The following KTN1 variants were observed in gnomAD, a reference collection of about 807,000 sequenced individuals.
KTN1 encodes the protein kinectin 1.
KTN1 carries 130 observed loss-of-function variants against 222.5 expected under a neutral mutation model. The observed-to-expected ratio is 0.58, with a 90% CI of 0.51 to 0.68. The LOEUF (loss-of-function observed/expected upper bound fraction) is 0.68. KTN1 is among the 30% of genes least tolerant of loss of function. The probability of loss-of-function intolerance (pLI) is 0.00; values close to 1 mark genes in which losing one functional copy is unlikely to be tolerated. For missense variants in KTN1, 1,508 were observed against 1,500.4 expected (o/e 1.01, Z -0.08); for synonymous variants, 512 against 496.3 (o/e 1.03, Z -0.42).
chr14:55,605,337 G>C (rs34931260), intron 1 of KTN1, among the ~76,000 whole-genome samples: 35,709 of 152,034 alleles, frequency 0.23, 4,526 homozygotes, highest in East Asian at 0.37. Flanking sequence ...AGTGCAGTTG[G>C]AGATCTAATT....
At position 55,650,337 on chromosome 14, in the gene KTN1, G is replaced by A. The variant is rs150799793; in HGVS notation, c.2415G>A (p.Glu805=). 310 of 1,596,062 alleles carry A rather than the reference G, an allele frequency of 1.9e-4. No individual in the cohort carries two copies. The highest frequency in any genetic ancestry group is 2.4e-4 in the Non-Finnish European group (285 of 1,173,184). Residue 805 remains glutamate, a synonymous_variant, in exon 23 of 44, where the codon GAG becomes GAA. Coordinates refer to ENST00000395314, the MANE Select transcript of KTN1 (RefSeq NM_001079521.2). ...CATTTCTTTATTGAAGGATCCATGA[G>A]AAAGATGGAAAGATCAAGTCTGTAG... is the stretch of plus-strand genomic sequence containing the variant. ...LVEELKKVIH[E]KDGKIKSVEE...
intron 34 of KTN1, among the ~76,000 whole-genome samples, 169 bp downstream of exon 34, chr14:55,667,499 A>G (rs1209328158): frequency 6.6e-6 from 1 of 151,958 alleles, no homozygotes; most frequent in Non-Finnish European, 1.5e-5. Context: ...TTCAAAACTC[A>G]TTTCTATTTA....
At chr14:55,584,992 C>G (rs552835306) in intron 1 of KTN1, among the ~76,000 whole-genome samples, 2 of 152,018 alleles carry the variant, frequency 1.3e-5, no homozygotes, top group South Asian at 4.2e-4. Flanking sequence ...AATAGCCAGG[C>G]ATGGTAGCGT....
At chr14:55,675,707 G>A in intron 40 of KTN1, 128 bp from the exon 41 acceptor site, 1 of 574,310 alleles carries the variant, frequency 1.7e-6, no homozygotes, top group Admixed American at 3.1e-5. Flanking sequence ...ATCTGGTGCA[G>A]CATATTGGCT....
chr14:55,595,842 A>C (rs2034923193), intron 1 of KTN1, among the ~76,000 whole-genome samples: 1 of 152,122 alleles, frequency 6.6e-6, no homozygotes, highest in South Asian at 2.1e-4. Flanking sequence ...AAGGTATCGG[A>C]GTGATTTTTT....
chr14:55,650,935 C>T (rs970177781), intron 24 of KTN1, among the ~76,000 whole-genome samples: 15 of 152,054 alleles, frequency 9.9e-5, no homozygotes, highest in Admixed American at 2.6e-4. Context: ...TTTAATCCCC[C>T]TGCCCCCTTC....
intron 33 of KTN1, 75 bp downstream of exon 33, chr14:55,664,116 C>T: frequency 1.1e-6 from 1 of 922,896 alleles, no homozygotes; most frequent in Non-Finnish European, 1.7e-6. Flanking sequence ...CAGACTAAAG[C>T]ATTTACTTTT....
intron 5 of KTN1, among the ~76,000 whole-genome samples, chr14:55,620,223 C>A (rs1250360137): frequency 6.6e-6 from 1 of 152,210 alleles, no homozygotes; most frequent in Non-Finnish European, 1.5e-5. Flanking sequence ...AGCTCCGCCC[C>A]TGTGGCTTTA....
chr14:55,657,819 C>T (rs2043662644), intron 29 of KTN1, among the ~76,000 whole-genome samples: 1 of 151,918 alleles, frequency 6.6e-6, no homozygotes, highest in African/African-American at 2.4e-5. Flanking sequence ...GAAGCTGAGA[C>T]AGGAGAATCA....
intron 22 of KTN1, among the ~76,000 whole-genome samples, 189 bp downstream of exon 22, chr14:55,650,002 A>C (rs539766261): frequency 6.6e-6 from 1 of 151,794 alleles, no homozygotes; most frequent in East Asian, 1.9e-4. Flanking sequence ...ATTAAAAAAA[A>C]AAAAACAAAA....
At position 55,627,954 on chromosome 14, in the gene KTN1, G is replaced by A. The variant is rs779315152; in HGVS notation, c.1006G>A (p.Glu336Lys). The change falls in exon 6 of 44, where the codon GAA (glutamate) becomes AAA (lysine). Residue 336 changes from glutamate to lysine, a missense_variant. Glu to Lys is a moderately conservative substitution (Grantham distance 56). Coordinates refer to ENST00000395314, the MANE Select transcript of KTN1 (RefSeq NM_001079521.2). ...ELTTLIHQLQ[E>K]KDKLLAAVKE... is the part of the protein sequence containing the mutation. ...GACTACGCTTATACATCAGCTTCAA[G>A]AAAAGGACAAGTTACTCGCTGCTGT... The A allele has an allele frequency of 1.9e-6, 3 of 1,613,848 alleles. No homozygotes were observed. In the African/African-American group the frequency reaches 4.0e-5, roughly 22 times the overall value.
At chr14:55,652,714 C>T (rs1304722172) in intron 25 of KTN1, 136 bp from the exon 26 acceptor site, 2 of 612,468 alleles carry the variant, frequency 3.3e-6, no homozygotes, top group South Asian at 2.0e-5. Flanking sequence ...TGCCTTTATA[C>T]TTGATAAGTT....
intron 33 of KTN1, among the ~76,000 whole-genome samples, chr14:55,664,268 A>G (rs766634475): frequency 1.3e-5 from 2 of 152,168 alleles, no homozygotes; most frequent in Non-Finnish European, 2.9e-5. Context: ...GTTGAGCACA[A>G]CTTTAAGCTG....
chr14:55,675,954 A>C, intron 41 of KTN1, 36 bp downstream of exon 41: 3 of 1,431,984 alleles, frequency 2.1e-6, no homozygotes, highest in Non-Finnish European at 2.9e-6. Context: ...TAGTATCATG[A>C]GCCTGTGTTG....
At chr14:55,672,893 T>G (rs2045569538) in intron 38 of KTN1, 36 bp from the exon 39 acceptor site, 1 of 1,528,492 alleles carries the variant, frequency 6.5e-7, no homozygotes, top group Non-Finnish European at 9.1e-7. Flanking sequence ...AAAGGAAATT[T>G]TAAGTGTGTT....
chr14:55,617,546 C>T (rs1046598149), intron 3 of KTN1, among the ~76,000 whole-genome samples: 6 of 152,120 alleles, frequency 3.9e-5, no homozygotes, highest in Non-Finnish European at 8.8e-5. Context: ...TTGCACTTAG[C>T]AAGTACAAAG....
chr14:55,644,095 G>A (rs2042058172), intron 18 of KTN1, among the ~76,000 whole-genome samples: 1 of 152,202 alleles, frequency 6.6e-6, no homozygotes, highest in Admixed American at 6.5e-5. Context: ...GCATATGACT[G>A]AGGTTTTGGT....
intron 5 of KTN1, among the ~76,000 whole-genome samples, chr14:55,619,789 G>T (rs1283714333): frequency 6.6e-6 from 1 of 152,118 alleles, no homozygotes; most frequent in Non-Finnish European, 1.5e-5. Context: ...AATTCAGGAT[G>T]AGATTTGGGT....
At chr14:55,614,929 G>A (rs930770433) in intron 2 of KTN1, among the ~76,000 whole-genome samples, 2 of 152,160 alleles carry the variant, frequency 1.3e-5, no homozygotes, top group Non-Finnish European at 2.9e-5. Flanking sequence ...GGCCATCTAC[G>A]TAGAGCAACT....
Sources: gnomAD v4.1 joint callset for allele counts (sites outside exome capture counted in the v4.1 genomes callset) on GRCh38, gnomAD v4.1.1 for gene constraint, MANE v1.5 for transcripts, NCBI Gene and HGNC (gene_info 2026-07-23, HGNC 2026-07-21) for gene names.